The following LRRC40 variants were observed in gnomAD, a reference collection of about 807,000 sequenced individuals.
LRRC40 encodes the protein leucine-rich repeat-containing protein 40.
In LRRC40, 76 loss-of-function variants were observed where a neutral mutation model predicts 72.8. The ratio of observed to expected loss-of-function variants is 1.04; its 90% CI spans 0.87 to 1.26. The LOEUF is 1.26. Among genes scored for constraint, LRRC40 ranks in the 50% most tolerant of loss-of-function variants. LRRC40 has a pLI of 0.00. For synonymous variants in LRRC40, 243 were observed against 254.2 expected, an observed-to-expected ratio of 0.96 and a Z score of 0.42; for missense variants, 684 against 698.9, an observed-to-expected ratio of 0.98 and a Z score of 0.24.
rs771088770 is a variant in LRRC40, at chr1:70,187,357, C to T, written c.334-19G>A. On this transcript the variant is annotated intron_variant, in intron 2 of 14. Transcript: ENST00000370952. Reference sequence around the variant, plus strand: ...CATGTATCTAAAAGTTTTTAAAAGACAAAGTCAATATTCTTAGTCTTATCA... The same window carrying T: ...CATGTATCTAAAAGTTTTTAAAAGATAAAGTCAATATTCTTAGTCTTATCA... 4 of 1,240,060 alleles carry T rather than the reference C, an allele frequency of 3.2e-6. No homozygotes were observed. Among genetic ancestry groups the T allele is most frequent in the East Asian group, 2.3e-5 (1 of 42,656 alleles). 76.8% of individuals were successfully genotyped at this position (1,240,060 alleles called of 1,614,324 possible). A position where few individuals can be genotyped will look rare whatever the true frequency, so the allele number is the denominator to read the frequency against.
At chr1:70,182,913 G>T (rs1484930282) in intron 4 of LRRC40, among the ~76,000 whole-genome samples, 1 of 152,054 alleles carries the variant, frequency 6.6e-6, no homozygotes, top group Non-Finnish European at 1.5e-5. Flanking sequence ...ACATGTGGGT[G>T]GATAGTAGAA....
In LRRC40 at chr1:70,181,174, A is replaced by T; in HGVS notation, c.573T>A (p.Ala191=). ...LSNNHLTTVP[A]SFSSLSSLVR... is the part of the protein sequence containing the mutation. ...CCAGACTGGACAGAGAAGAAAAACT[A>T]GCAGGAACAGTTGTAAGATGATTGT... is the stretch of plus-strand genomic sequence containing the variant. The change falls in exon 5 of 15, where the codon GCT becomes GCA. Residue 191 remains alanine (A), a synonymous_variant. Coordinates refer to ENST00000370952, the MANE Select transcript of LRRC40 (RefSeq NM_017768.5). The T allele has an allele frequency of 6.3e-7, 1 of 1,594,474 alleles. No individual in the cohort carries two copies. Among genetic ancestry groups the T allele is most frequent in the South Asian group, 1.2e-5 (1 of 86,590 alleles).
At chr1:70,184,554 C>T (rs1668318525) in intron 4 of LRRC40, among the ~76,000 whole-genome samples, 1 of 152,188 alleles carries the variant, frequency 6.6e-6, no homozygotes, top group South Asian at 2.1e-4. Flanking sequence ...CTTCATTGCA[C>T]CTTTCCCAAA....
intron 1 of LRRC40, among the ~76,000 whole-genome samples, chr1:70,191,896 T>C (rs77766388): frequency 0.078 from 11,867 of 152,044 alleles, 715 homozygotes; most frequent in East Asian, 0.3. Flanking sequence ...TGAAATCAGG[T>C]GGTGTGATGC....
Position 70,184,796 on chromosome 1 carries a change from A to C in LRRC40, c.526T>G (p.Leu176Val). ...ISEGFEQLSN[L>V]EDLDLSNNHL... is the part of the protein sequence containing the mutation. ...AAATCAGAACTTACTAAATCTTCTA[A>C]ATTGGAAAGTTGTTCAAATCCCTCT... Residue 176 changes from leucine (L) to valine (V), a missense_variant, in exon 4 of 15, where the codon TTA becomes GTA. Leu to Val is a conservative substitution (Grantham distance 32). Transcript: ENST00000370952. 6.2e-7 allele frequency: 1 copy of C among 1,601,830 alleles called. No individual in the cohort carries two copies. Among genetic ancestry groups the C allele is most frequent in the East Asian group, 2.2e-5 (1 of 44,454 alleles).
chr1:70,205,453 C>A lies in LRRC40; in HGVS notation c.88G>T (p.Gly30Trp), dbSNP rs368762009. Reference sequence around the variant, plus strand: ...CTCTTCCTCGCTGCCTTCAACAGCCCTTGGGGTACCGAGGTACCGCAGTCT... The same window carrying A: ...CTCTTCCTCGCTGCCTTCAACAGCCATTGGGGTACCGAGGTACCGCAGTCT... ...GRDCGTSVPQGLLKAARKSGQ... is the reference protein window; with the variant it reads ...GRDCGTSVPQWLLKAARKSGQ... The change falls in exon 1 of 15, where the codon GGG becomes TGG. Residue 30 changes from glycine to tryptophan, a missense_variant. Gly to Trp is a radical substitution (Grantham distance 184, BLOSUM62 -2). Coordinates refer to ENST00000370952, the MANE Select transcript of LRRC40 (RefSeq NM_017768.5). 1 of 1,609,700 alleles carries A rather than the reference C, an allele frequency of 6.2e-7. No homozygotes were observed. Among genetic ancestry groups the A allele is most frequent in the Non-Finnish European group, 8.5e-7 (1 of 1,176,516 alleles).
rs1246629651 is a variant in LRRC40, at chr1:70,175,817, TATC to T, written c.967_969del (p.Asp323del). On this transcript the variant is annotated inframe_deletion, in exon 7 of 15. Coordinates refer to ENST00000370952, the MANE Select transcript of LRRC40 (RefSeq NM_017768.5). ...TTTGATATTTAAACTTACCTACTAATATCATTGTTGCTTAGGTCAAGCCTTTCC... is the reference window on the plus strand; with the variant it reads ...TTTGATATTTAAACTTACCTACTAATATTGTTGCTTAGGTCAAGCCTTTCC... 2 of 1,551,946 alleles carry T rather than the reference TATC, an allele frequency of 1.3e-6. No homozygotes were observed. The highest frequency in any genetic ancestry group is 1.2e-5 in the South Asian group (1 of 80,616).
At chr1:70,168,993 C>T (rs935669915) in intron 9 of LRRC40, among the ~76,000 whole-genome samples, 2 of 152,102 alleles carry the variant, frequency 1.3e-5, no homozygotes, top group Non-Finnish European at 2.9e-5. Flanking sequence ...TAACTTTCCA[C>T]CCTAAGATAC....
chr1:70,173,633 C>A lies in LRRC40; in HGVS notation c.1054G>T (p.Glu352Ter), dbSNP rs545688440. Reference sequence around the variant, plus strand: ...CCAAATATACTTACACTTATAATTTCTCTTCGAATTGTTCTCAAAGGATTT... The same window carrying A: ...CCAAATATACTTACACTTATAATTTATCTTCGAATTGTTCTCAAAGGATTT... ...EGNPLRTIRR[E>*]IISKGTQEVL... Residue 352 changes from glutamate (E) to a stop codon, truncating the protein, a stop_gained, in exon 8 of 15, where the codon GAA becomes TAA. Coordinates refer to ENST00000370952, the MANE Select transcript of LRRC40 (RefSeq NM_017768.5). LOFTEE classifies it high-confidence loss of function. 14 of 1,568,112 alleles carry A rather than the reference C, an allele frequency of 8.9e-6. No individual in the cohort carries two copies. The African/African-American group carries it at 1.2e-4, about 14-fold the overall frequency.
At chr1:70,182,426 T>C (rs1179520555) in intron 4 of LRRC40, among the ~76,000 whole-genome samples, 4 of 152,038 alleles carry the variant, frequency 2.6e-5, no homozygotes, top group Non-Finnish European at 5.9e-5. Flanking sequence ...AATATTAACA[T>C]TAAAGAAAGT....
chr1:70,205,314 C>A, intron 1 of LRRC40, 76 bp downstream of exon 1: 1 of 1,396,272 alleles, frequency 7.2e-7, no homozygotes, highest in Admixed American at 2.1e-5. Context: ...CAAAGCCAGC[C>A]CAGAGAAAAG....
chr1:70,145,792 A>G lies in LRRC40; in HGVS notation c.*8T>C. On this transcript the variant is annotated 3_prime_UTR_variant, in exon 15 of 15. Transcript: ENST00000370952. ...AATACATGACAAGGGTTATAAAGCA[A>G]CTCCATGTTAAGTAGGAATTCGGTC... The G allele has an allele frequency of 6.8e-7, 1 of 1,466,140 alleles. No homozygotes were observed. Among genetic ancestry groups the G allele is most frequent in the Non-Finnish European group, 9.6e-7 (1 of 1,046,682 alleles). 90.8% of individuals were successfully genotyped at this position (1,466,140 alleles called of 1,614,324 possible). A position where few individuals can be genotyped will look rare whatever the true frequency, so the allele number is the denominator to read the frequency against.
chr1:70,161,081 A>G (rs1270626729), intron 9 of LRRC40, among the ~76,000 whole-genome samples: 1 of 151,554 alleles, frequency 6.6e-6, no homozygotes. Flanking sequence ...GAACGCAGAT[A>G]TCTCATTATT....
Position 70,189,265 on chromosome 1 carries a change from A to G in LRRC40, c.160T>C (p.Cys54Arg), listed in dbSNP as rs762650587. 1.0e-5 allele frequency: 16 copies of G among 1,595,262 alleles called. No homozygotes were observed. In the Admixed American group the frequency reaches 2.4e-4, roughly 24 times the overall value. ...ATATCCACATTTATTCTCCAGACACACTGCGGCACTAGTTCCATCAGCACC... is the reference window on the plus strand; with the variant it reads ...ATATCCACATTTATTCTCCAGACACGCTGCGGCACTAGTTCCATCAGCACC... The part of the protein sequence containing the change: ...SGRNLSEVPQ[C>R]VWRINVDIPE... The change falls in exon 2 of 15, where the codon TGT becomes CGT. Residue 54 changes from cysteine to arginine, a missense_variant. By Grantham distance (180) the Cys-to-Arg change is radical. Transcript: ENST00000370952.
At chr1:70,205,356 G>T (rs1668916992) in intron 1 of LRRC40, 34 bp downstream of exon 1, 9 of 1,520,444 alleles carry the variant, frequency 5.9e-6, no homozygotes, top group African/African-American at 1.4e-5. Flanking sequence ...CTTTCTGACA[G>T]GAGACACAAT....
intron 6 of LRRC40, among the ~76,000 whole-genome samples, chr1:70,178,554 G>T (rs1668161442): frequency 6.6e-6 from 1 of 152,042 alleles, no homozygotes; most frequent in African/African-American, 2.4e-5. Context: ...GGTATTCCAG[G>T]TCTCCTACTT....
At chr1:70,153,972 CAAAAAAAAAAAA>C (rs1042976831) in intron 11 of LRRC40, among the ~76,000 whole-genome samples, 3 of 58,186 alleles carry the variant, frequency 5.2e-5, no homozygotes, top group Admixed American at 3.5e-4. Context: ...GATCCTGTCT[CAAAAAAAAAAAA>C]AAAAAAAAAA....
At chr1:70,169,940 G>T (rs931179554) in intron 9 of LRRC40, among the ~76,000 whole-genome samples, 2 of 151,870 alleles carry the variant, frequency 1.3e-5, no homozygotes, top group Non-Finnish European at 2.9e-5. Context: ...CCATTATTAG[G>T]CTATCACCCA....
chr1:70,199,706 C>T (rs1478922628), intron 1 of LRRC40, among the ~76,000 whole-genome samples: 1 of 152,052 alleles, frequency 6.6e-6, no homozygotes, highest in East Asian at 1.9e-4. Context: ...ATATAATATA[C>T]AAATATATGT....
Sources: allele counts gnomAD v4.1 joint callset (sites outside exome capture counted in the v4.1 genomes callset), GRCh38; gene constraint gnomAD v4.1.1; transcripts MANE v1.5; gene names NCBI Gene and HGNC (gene_info 2026-07-23, HGNC 2026-07-21).